Variants in IRAG1 observed in about 807,000 individuals in gnomAD.
The protein encoded by IRAG1 is inositol 1,4,5-triphosphate receptor associated 1.
Under a neutral mutation model 106.2 loss-of-function variants are expected in IRAG1, and 62 were observed. That is an observed-to-expected ratio of 0.58 (90% confidence interval 0.48 to 0.72). The LOEUF is 0.72. IRAG1 is among the 30% of genes least tolerant of loss of function. IRAG1 has a pLI of 0.00. For synonymous variants in IRAG1, 462 were observed against 443.9 expected (o/e 1.04, Z -0.51); for missense variants, 1,064 against 1,140.7 (o/e 0.93, Z 0.97).
chr11:10,650,093 T>C (rs769355290), intron 2 of IRAG1, among the ~76,000 whole-genome samples: 12 of 152,242 alleles, frequency 7.9e-5, no homozygotes, highest in Non-Finnish European at 8.8e-5. Context: ...ATTTGTTTTC[T>C]TACACATTAC....
In IRAG1 at chr11:10,580,535, C is replaced by T. The variant is rs1851282225; in HGVS notation, c.2415G>A (p.Glu805=). 1 of 1,609,520 alleles carries T rather than the reference C, an allele frequency of 6.2e-7. No individual in the cohort carries two copies. The highest frequency in any genetic ancestry group is 8.5e-7 in the Non-Finnish European group (1 of 1,179,512). ...TKELQDLKEE[E]EEQKSESPEE... ...CAGGACTCTCACTCTTCTGTTCTTCCTCCTCCTCCTTCAGGTCTTGAAGTT... is the reference window on the plus strand; with the variant it reads ...CAGGACTCTCACTCTTCTGTTCTTCTTCCTCCTCCTTCAGGTCTTGAAGTT... The change falls in exon 20 of 21, where the codon GAG becomes GAA. Residue 805 remains glutamate (E), a synonymous_variant. Coordinates refer to ENST00000423302, the MANE Select transcript of IRAG1 (RefSeq NM_130385.4).
chr11:10,605,323 G>T (rs147350168), intron 12 of IRAG1, among the ~76,000 whole-genome samples: 1 of 152,160 alleles, frequency 6.6e-6, no homozygotes, highest in Admixed American at 6.5e-5. Flanking sequence ...ACCCTGCAGG[G>T]TTAGTAACCA....
intron 1 of IRAG1, among the ~76,000 whole-genome samples, chr11:10,656,739 C>T (rs1463702239): frequency 1.3e-5 from 2 of 152,190 alleles, no homozygotes; most frequent in African/African-American, 4.8e-5. Context: ...CAAGATCACA[C>T]AGCTAGTAAG....
chr11:10,687,675 G>T (rs1861761622), intron 1 of IRAG1: 1 of 1,285,898 alleles, frequency 7.8e-7, no homozygotes, highest in South Asian at 1.2e-5. Context: ...TTGAGAGGAA[G>T]TCCACCACTC....
At chr11:10,581,336 A>G (rs758703238) in intron 19 of IRAG1, among the ~76,000 whole-genome samples, 2 of 152,152 alleles carry the variant, frequency 1.3e-5, no homozygotes, top group Non-Finnish European at 2.9e-5. Flanking sequence ...GTGATTCTCT[A>G]CCTTGAGGCT....
At chr11:10,625,769 G>A (rs752349984) in intron 9 of IRAG1, among the ~76,000 whole-genome samples, 197 bp downstream of exon 9, 20 of 151,846 alleles carry the variant, frequency 1.3e-4, no homozygotes, top group Non-Finnish European at 2.8e-4. Flanking sequence ...GCATAAAAAA[G>A]CACCTAAAAC....
At chr11:10,613,005 G>A (rs1473048679) in intron 10 of IRAG1, among the ~76,000 whole-genome samples, 1 of 152,152 alleles carries the variant, frequency 6.6e-6, no homozygotes, top group African/African-American at 2.4e-5. Context: ...GGGTGGTAGA[G>A]ATTGAGTAAT....
chr11:10,607,113 T>A (rs1462607775), intron 11 of IRAG1, among the ~76,000 whole-genome samples: 2 of 152,238 alleles, frequency 1.3e-5, no homozygotes, highest in African/African-American at 2.4e-5. Context: ...TGCATAAATA[T>A]ATGGCATCCA....
intron 17 of IRAG1, among the ~76,000 whole-genome samples, chr11:10,592,849 G>A (rs1224208736): frequency 6.6e-6 from 1 of 152,068 alleles, no homozygotes; most frequent in Non-Finnish European, 1.5e-5. Flanking sequence ...AAATTTCTAT[G>A]TCTACACACA....
rs574020099 is a variant in IRAG1, at chr11:10,633,277, G to T, written c.329+691C>A. On this transcript the variant is annotated intron_variant, in intron 3 of 20. Coordinates refer to ENST00000423302, the MANE Select transcript of IRAG1 (RefSeq NM_130385.4). ...TTTGTAGTAGAGACGTGGTTTCACT[G>T]TGTTAGCCAGGATGGTCTCGATCTC... Among the ~76,000 whole-genome samples, 557 of 152,156 alleles carry T rather than the reference G, an allele frequency of 3.7e-3. 4 individuals are homozygous for T. The highest frequency in any genetic ancestry group is 0.012 in the African/African-American group (497 of 41,520).
intron 1 of IRAG1, among the ~76,000 whole-genome samples, chr11:10,691,124 T>A (rs2135284310): frequency 6.6e-6 from 1 of 151,766 alleles, no homozygotes; most frequent in African/African-American, 2.4e-5. Flanking sequence ...CCCCACCTTG[T>A]GTTCTTTAGG....
Position 10,676,502 on chromosome 11 carries a change from G to A in IRAG1, c.67+17034C>T, listed in dbSNP as rs151243560. Among the ~76,000 whole-genome samples, 1,297 of 152,300 alleles carry A rather than the reference G, an allele frequency of 8.5e-3. 19 individuals are homozygous for A. The highest frequency in any genetic ancestry group is 0.027 in the Middle Eastern group (8 of 294). On this transcript the variant is annotated intron_variant, in intron 1 of 20. Transcript: ENST00000423302. ...CAGAATATCCCATGCTCCCAGCTCT[G>A]GGTTGTAATTGAGGAATGAGCACGT...
chr11:10,601,790 G>C (rs1854041867), intron 14 of IRAG1, among the ~76,000 whole-genome samples: 1 of 152,242 alleles, frequency 6.6e-6, no homozygotes, highest in South Asian at 2.1e-4. Context: ...ACTGGTGGCA[G>C]TGAGGGCAGC....
rs1564915994 is a variant in IRAG1, at chr11:10,628,117, C to G, written c.653-92G>C. 7.9e-6 allele frequency: 11 copies of G among 1,386,622 alleles called. No individual in the cohort carries two copies. Among genetic ancestry groups the G allele is most frequent in the Non-Finnish European group, 1.0e-5 (10 of 990,084 alleles). 85.9% of individuals were successfully genotyped at this position (1,386,622 alleles called of 1,614,324 possible). Reference sequence around the variant, plus strand: ...CATCTCCCTCCCCGGGCTATCCTCCCTTTGCAATCTCAGGCCTGGAAGATT... The same window carrying G: ...CATCTCCCTCCCCGGGCTATCCTCCGTTTGCAATCTCAGGCCTGGAAGATT... On this transcript the variant is annotated intron_variant, in intron 6 of 20. Coordinates refer to ENST00000423302, the MANE Select transcript of IRAG1 (RefSeq NM_130385.4). This position sits in a 1 kb window ranked among gnomAD's most constrained non-coding sequence, Gnocchi z 4.1.
chr11:10,633,233 C>A (rs549972108), intron 3 of IRAG1, among the ~76,000 whole-genome samples: 10 of 152,136 alleles, frequency 6.6e-5, no homozygotes, highest in African/African-American at 1.4e-4. Flanking sequence ...CGCCACCACA[C>A]CCGGCTAATT....
intron 18 of IRAG1, among the ~76,000 whole-genome samples, chr11:10,586,371 G>C (rs1235946450): frequency 6.6e-6 from 1 of 151,388 alleles, no homozygotes; most frequent in African/African-American, 2.4e-5. Flanking sequence ...AACCTTTGCT[G>C]GTGTTCTCCC....
chr11:10,642,261 T>C (rs1233995290), intron 2 of IRAG1, among the ~76,000 whole-genome samples: 1 of 152,242 alleles, frequency 6.6e-6, no homozygotes, highest in African/African-American at 2.4e-5. Context: ...TTTGTTCTCC[T>C]TAAATAAATC....
rs540476140 is a variant in IRAG1 at position 10,682,459 on chromosome 11, T to C, written c.67+11077A>G. The stretch of plus-strand genomic sequence containing the variant: ...TCCTTGATGTCTATAACCAACCGTA[T>C]CTTTTTTTCCTTTCTGGGACCAGCT... On this transcript the variant is annotated intron_variant, in intron 1 of 20. Transcript: ENST00000423302. 2.4e-4 allele frequency among the ~76,000 whole-genome samples: 36 copies of C among 152,328 alleles called. 2 individuals carry two copies. Among genetic ancestry groups the C allele is most frequent in the Admixed American group, 2.3e-3 (35 of 15,288 alleles).
chr11:10,631,876 T>TGG, intron 4 of IRAG1, 115 bp downstream of exon 4: 1 of 787,796 alleles, frequency 1.3e-6, no homozygotes, highest in East Asian at 2.6e-5. Flanking sequence ...CCTGTCCTGT[T>TGG]GGACTTATCG....
Sources: gnomAD v4.1 joint callset for allele counts (sites outside exome capture counted in the v4.1 genomes callset) on GRCh38, gnomAD v4.1.1 for gene constraint, Gnocchi (gnomAD v3.1) non-coding constraint, MANE v1.5 for transcripts, NCBI Gene and HGNC (gene_info 2026-07-23, HGNC 2026-07-21) for gene names.